The following RBFOX3 variants were observed in gnomAD, a reference collection of about 807,000 sequenced individuals.
RBFOX3 encodes RNA binding protein fox-1 homolog 3.
RBFOX3 carries 17 observed loss-of-function variants against 48.7 expected under a neutral mutation model. The ratio of observed to expected loss-of-function variants is 0.35; its 90% CI spans 0.24 to 0.52. The LOEUF (loss-of-function observed/expected upper bound fraction) is 0.52. Among genes scored for constraint, RBFOX3 ranks in the 20% least tolerant of loss-of-function variants. RBFOX3 has a pLI of 0.94. For synonymous variants in RBFOX3, 212 were observed against 209.5 expected (o/e 1.01, Z -0.10); for missense variants, 382 against 497.5 (o/e 0.77, Z 2.21).
At chr17:79,143,948 T>C (rs1014403137) in intron 4 of RBFOX3, among the ~76,000 whole-genome samples, 1 of 152,178 alleles carries the variant, frequency 6.6e-6, no homozygotes, top group Non-Finnish European at 1.5e-5. Context: ...GACACCCCCA[T>C]CCTTCCACTG....
intron 3 of RBFOX3, among the ~76,000 whole-genome samples, chr17:79,295,690 C>G (rs1047800874): frequency 6.6e-6 from 1 of 152,182 alleles, no homozygotes; most frequent in Non-Finnish European, 1.5e-5. Flanking sequence ...CCTGCCCCAC[C>G]GTCAGCTCCC....
At chr17:79,194,614 G>A (rs199729031) in intron 4 of RBFOX3, among the ~76,000 whole-genome samples, 4 of 149,582 alleles carry the variant, frequency 2.7e-5, no homozygotes, top group Non-Finnish European at 4.4e-5. Flanking sequence ...TGTCTCAAAA[G>A]AAAAAAAAAA....
intron 4 of RBFOX3, among the ~76,000 whole-genome samples, chr17:79,184,717 C>T (rs1406871384): frequency 6.6e-6 from 1 of 152,238 alleles, no homozygotes. Flanking sequence ...ACCTGTCCTA[C>T]CTTAGGGCAC....
intron 4 of RBFOX3, among the ~76,000 whole-genome samples, chr17:79,184,340 T>C (rs935161164): frequency 6.6e-6 from 1 of 152,118 alleles, no homozygotes; most frequent in South Asian, 2.1e-4. Flanking sequence ...CCCCTCCCTG[T>C]ACCCAGACAC....
At chr17:79,385,265 C>T (rs935382037) in intron 2 of RBFOX3, among the ~76,000 whole-genome samples, 3 of 152,194 alleles carry the variant, frequency 2.0e-5, no homozygotes, top group Admixed American at 2.0e-4. Flanking sequence ...GCAGCTCAAA[C>T]CAGAGCACCC....
chr17:79,261,587 G>A (rs2065785676), intron 3 of RBFOX3, among the ~76,000 whole-genome samples: 1 of 152,216 alleles, frequency 6.6e-6, no homozygotes, highest in African/African-American at 2.4e-5. Context: ...CAGAGTCAAT[G>A]ATGCGGCAGG....
At chr17:79,624,813 GC>G in the RBFOX3 span, among the ~76,000 whole-genome samples, 3 of 65,014 alleles carry the variant, frequency 4.6e-5, no homozygotes, top group South Asian at 2.0e-3. Context: ...AGGCACCCCC[GC>G]CCCCCACCCC....
At chr17:79,520,320 G>A (rs1469463057) in intron 1 of RBFOX3, among the ~76,000 whole-genome samples, 1 of 152,220 alleles carries the variant, frequency 6.6e-6, no homozygotes, top group Admixed American at 6.5e-5. Flanking sequence ...GGAGACTGGG[G>A]ACGTGCAGGG....
chr17:79,268,083 G>A (rs1293587672), intron 3 of RBFOX3, among the ~76,000 whole-genome samples: 1 of 152,056 alleles, frequency 6.6e-6, no homozygotes, highest in African/African-American at 2.4e-5. Flanking sequence ...CGCATCATCC[G>A]TTGTCTCTCC....
intron 3 of RBFOX3, among the ~76,000 whole-genome samples, chr17:79,247,857 C>T (rs1300024097): frequency 6.6e-6 from 1 of 152,218 alleles, no homozygotes; most frequent in African/African-American, 2.4e-5. Flanking sequence ...CATCGAAGTG[C>T]CTCAGTTTAC....
rs2066474352 is a variant in RBFOX3 at position 79,421,963 on chromosome 17, A to G, written c.-175+60491T>C. On this transcript the variant is annotated intron_variant, in intron 2 of 14. Coordinates refer to ENST00000693108, the MANE Select transcript of RBFOX3 (RefSeq NM_001350451.2). The surrounding 1 kb of genome is among the most constrained non-coding windows in gnomAD (Gnocchi z 4.5). ...GCTCAGCAGCTCCCAACAGAATTCTAGGTGCTGCCCGGACGAGATGAGGAG... is the reference window on the plus strand; with the variant it reads ...GCTCAGCAGCTCCCAACAGAATTCTGGGTGCTGCCCGGACGAGATGAGGAG... Among the ~76,000 whole-genome samples the G allele has an allele frequency of 6.6e-6, 1 of 152,024 alleles. No individual in the cohort carries two copies. Among genetic ancestry groups the G allele is most frequent in the Non-Finnish European group, 1.5e-5 (1 of 68,012 alleles).
At chr17:79,201,136 A>G (rs774649603) in intron 4 of RBFOX3, among the ~76,000 whole-genome samples, 2 of 151,116 alleles carry the variant, frequency 1.3e-5, no homozygotes, top group African/African-American at 2.4e-5. Flanking sequence ...GCATCAGATC[A>G]TCCGGATCCG....
intron 2 of RBFOX3, among the ~76,000 whole-genome samples, chr17:79,444,044 C>A (rs1317808780): frequency 6.6e-6 from 1 of 152,154 alleles, no homozygotes; most frequent in Non-Finnish European, 1.5e-5. Context: ...CCCTGGCAGG[C>A]CCTGCTCACA....
chr17:79,546,936 C>T (rs1014729612), intron 1 of RBFOX3, among the ~76,000 whole-genome samples: 5 of 151,986 alleles, frequency 3.3e-5, no homozygotes, highest in Non-Finnish European at 7.4e-5. Flanking sequence ...TCCCAAAGTG[C>T]TGGGATTACA....
chr17:79,397,024 G>A (rs2148328244), intron 2 of RBFOX3, among the ~76,000 whole-genome samples: 1 of 152,362 alleles, frequency 6.6e-6, no homozygotes, highest in Non-Finnish European at 1.5e-5. Context: ...CTTCCTGGCT[G>A]CAAGGACGAC....
intron 2 of RBFOX3, among the ~76,000 whole-genome samples, chr17:79,458,407 G>A (rs782315378): frequency 2.6e-5 from 4 of 152,152 alleles, no homozygotes; most frequent in Non-Finnish European, 5.9e-5. Flanking sequence ...CAGTACACAG[G>A]GCTGACTCAG....
intron 4 of RBFOX3, among the ~76,000 whole-genome samples, chr17:79,192,912 C>A (rs993106603): frequency 1.2e-4 from 18 of 152,224 alleles, no homozygotes; most frequent in African/African-American, 4.1e-4. Context: ...TTTAGGAGAT[C>A]CAGCTTTTGC....
rs539192865 is a variant in RBFOX3, at chr17:79,250,831, C to T, written c.-73-15026G>A. Among the ~76,000 whole-genome samples, 53 of 131,694 alleles carry T rather than the reference C, an allele frequency of 4.0e-4. No homozygotes were observed. The East Asian group carries it at 0.013, about 32-fold the overall frequency. The allele number at this position is 131,694 out of a possible 152,430, so 86.4% of individuals were successfully genotyped here. A position where few individuals can be genotyped will look rare whatever the true frequency, so the allele number is the denominator to read the frequency against. On this transcript the variant is annotated intron_variant, in intron 3 of 14. Transcript: ENST00000693108. Reference sequence around the variant, plus strand: ...CCTCCCTTTCTCTCTCTCTCTTTCTCTCTTTCTTTCTTTCTTCCCTGAGTT... The same window carrying T: ...CCTCCCTTTCTCTCTCTCTCTTTCTTTCTTTCTTTCTTTCTTCCCTGAGTT...
At chr17:79,597,093 C>T (rs1410300436) in intron 1 of RBFOX3, among the ~76,000 whole-genome samples, 1 of 152,172 alleles carries the variant, frequency 6.6e-6, no homozygotes, top group African/African-American at 2.4e-5. Flanking sequence ...ACAAGGGAGA[C>T]CTCCGTGGCT....
Sources: gnomAD v4.1 joint callset for allele counts (sites outside exome capture counted in the v4.1 genomes callset) on GRCh38, gnomAD v4.1.1 for gene constraint, Gnocchi (gnomAD v3.1) non-coding constraint, MANE v1.5 for transcripts, NCBI Gene and HGNC (gene_info 2026-07-23, HGNC 2026-07-21) for gene names.